Variants in ROBO1 observed in about 807,000 individuals in gnomAD.
The protein encoded by ROBO1 is roundabout homolog 1.
ROBO1 carries 149 observed loss-of-function variants against 195.9 expected under a neutral mutation model. The observed-to-expected ratio is 0.76, with a 90% CI of 0.67 to 0.87. ROBO1 has a LOEUF of 0.87. Among genes scored for constraint, ROBO1 ranks in the 40% least tolerant of loss-of-function variants. The pLI, the probability that ROBO1 is intolerant of heterozygous loss-of-function variation, is 0.00. For missense variants in ROBO1, 1,933 were observed against 2,068.3 expected, an observed-to-expected ratio of 0.93 and a Z score of 1.27; for synonymous variants, 816 against 733.2, an observed-to-expected ratio of 1.11 and a Z score of -1.82.
intron 2 of ROBO1, among the ~76,000 whole-genome samples, chr3:79,379,533 C>T (rs2036499945): frequency 6.6e-6 from 1 of 152,156 alleles, no homozygotes; most frequent in African/African-American, 2.4e-5. Flanking sequence ...AAAGATACTT[C>T]AATTGGATCA....
At chr3:79,275,630 G>C (rs982580639) in intron 2 of ROBO1, among the ~76,000 whole-genome samples, 3 of 151,840 alleles carry the variant, frequency 2.0e-5, no homozygotes, top group Non-Finnish European at 4.4e-5. Flanking sequence ...GTCTTGGTTG[G>C]AGCAATCAGA....
intron 4 of ROBO1, among the ~76,000 whole-genome samples, chr3:78,817,021 T>A (rs977847194): frequency 2.6e-5 from 4 of 152,062 alleles, no homozygotes; most frequent in Non-Finnish European, 2.9e-5. Flanking sequence ...AACATTAGAT[T>A]GAATTAGTTA....
intron 4 of ROBO1, among the ~76,000 whole-genome samples, chr3:78,758,613 A>G (rs1221325930): frequency 6.6e-6 from 1 of 152,110 alleles, no homozygotes; most frequent in Non-Finnish European, 1.5e-5. Flanking sequence ...ATTCAATAAA[A>G]ACAAATACTA....
intron 2 of ROBO1, among the ~76,000 whole-genome samples, chr3:79,443,319 A>T (rs990075343): frequency 6.6e-6 from 1 of 152,146 alleles, no homozygotes; most frequent in Non-Finnish European, 1.5e-5. Flanking sequence ...CAGCTGAAAT[A>T]CTCGGTCCTT....
intron 4 of ROBO1, among the ~76,000 whole-genome samples, chr3:78,769,908 A>G (rs1478800625): frequency 6.6e-6 from 1 of 152,060 alleles, no homozygotes; most frequent in Non-Finnish European, 1.5e-5. Flanking sequence ...TAGGTCCCCA[A>G]TCCCTCCTAG....
intron 3 of ROBO1, among the ~76,000 whole-genome samples, chr3:79,000,376 T>C (rs1343993551): frequency 6.6e-6 from 1 of 152,180 alleles, no homozygotes; most frequent in Non-Finnish European, 1.5e-5. Flanking sequence ...AGCTAGCATG[T>C]TTACTCTGAT....
intron 2 of ROBO1, among the ~76,000 whole-genome samples, chr3:79,402,671 T>C (rs1296682635): frequency 6.6e-6 from 1 of 151,944 alleles, no homozygotes; most frequent in Non-Finnish European, 1.5e-5. Flanking sequence ...ATGCCAGTTC[T>C]CACAACATAT....
intron 4 of ROBO1, among the ~76,000 whole-genome samples, chr3:78,840,139 A>C (rs2033079543): frequency 6.6e-6 from 1 of 152,148 alleles, no homozygotes; most frequent in Non-Finnish European, 1.5e-5. Flanking sequence ...TTGTATGATG[A>C]ATTCAGCTGT....
intron 3 of ROBO1, among the ~76,000 whole-genome samples, chr3:79,092,657 A>G (rs1010787349): frequency 3.3e-5 from 5 of 152,146 alleles, no homozygotes; most frequent in Non-Finnish European, 7.4e-5. Flanking sequence ...GGTAGCCACA[A>G]TTACATAGCA....
chr3:79,156,584 A>G (rs985051321), intron 2 of ROBO1, among the ~76,000 whole-genome samples: 1 of 151,880 alleles, frequency 6.6e-6, no homozygotes, highest in Admixed American at 6.6e-5. Context: ...TATGGGGTAG[A>G]CAATTCATCT....
intron 2 of ROBO1, among the ~76,000 whole-genome samples, chr3:79,154,709 GA>G (rs1203642310): frequency 3.3e-5 from 5 of 150,638 alleles, no homozygotes; most frequent in African/African-American, 9.7e-5. Flanking sequence ...TGTAAAAAAT[GA>G]AAAAAAAGGC....
At chr3:79,377,392 G>C (rs1481886505) in intron 2 of ROBO1, among the ~76,000 whole-genome samples, 2 of 152,210 alleles carry the variant, frequency 1.3e-5, no homozygotes, top group East Asian at 3.9e-4. Context: ...AAATATCTTT[G>C]AGGAAACAGC....
intron 2 of ROBO1, among the ~76,000 whole-genome samples, chr3:79,189,313 A>G (rs1239597646): frequency 6.6e-6 from 1 of 151,856 alleles, no homozygotes; most frequent in Non-Finnish European, 1.5e-5. Flanking sequence ...AAAATAATTT[A>G]GAATAGATAC....
At chr3:78,955,574 G>A (rs909965919) in intron 3 of ROBO1, among the ~76,000 whole-genome samples, 7 of 151,968 alleles carry the variant, frequency 4.6e-5, no homozygotes, top group Admixed American at 3.9e-4. Flanking sequence ...GATTTTCATG[G>A]AATCTGTATA....
intron 2 of ROBO1, among the ~76,000 whole-genome samples, chr3:79,467,389 C>T (rs1938019524): frequency 1.3e-5 from 2 of 151,466 alleles, no homozygotes; most frequent in South Asian, 4.2e-4. Context: ...GTTTTTGTGC[C>T]CAAATATTGT....
intron 2 of ROBO1, among the ~76,000 whole-genome samples, chr3:79,472,303 G>A (rs962789304): frequency 4.6e-5 from 7 of 151,970 alleles, no homozygotes; most frequent in Non-Finnish European, 7.4e-5. Context: ...ATTCAGAGGG[G>A]GCCAAGAAAT....
chr3:78,837,620 G>C (rs898191483), intron 4 of ROBO1, among the ~76,000 whole-genome samples: 18 of 152,000 alleles, frequency 1.2e-4, no homozygotes. Context: ...TTGATGATAT[G>C]AGCACTTATG....
At chr3:78,793,719 G>A (rs1031690919) in intron 4 of ROBO1, among the ~76,000 whole-genome samples, 2 of 151,918 alleles carry the variant, frequency 1.3e-5, no homozygotes, top group Non-Finnish European at 2.9e-5. Flanking sequence ...TTGGGAGGTA[G>A]AGGAGAAGTA....
At chr3:78,628,229 C>T (rs574083257) in intron 25 of ROBO1, among the ~76,000 whole-genome samples, 1 of 152,228 alleles carries the variant, frequency 6.6e-6, no homozygotes, top group Non-Finnish European at 1.5e-5. Flanking sequence ...GCTGGGATTA[C>T]AGGCGTGAGC....
Sources: gnomAD v4.1 joint callset for allele counts (sites outside exome capture counted in the v4.1 genomes callset) on GRCh38, gnomAD v4.1.1 for gene constraint, MANE v1.5 for transcripts, NCBI Gene and HGNC (gene_info 2026-07-23, HGNC 2026-07-21) for gene names.